Variants in ITFG2 observed in about 807,000 individuals in gnomAD.
ITFG2 encodes integrin alpha FG-GAP repeat containing 2.
In ITFG2, 36 loss-of-function variants were observed where a neutral mutation model predicts 54.4. The observed-to-expected ratio is 0.66, with a 90% CI of 0.51 to 0.87. ITFG2 has a LOEUF of 0.87. Among genes scored for constraint, ITFG2 ranks in the 40% least tolerant of loss-of-function variants. ITFG2 has a pLI of 0.00. For synonymous variants in ITFG2, 211 were observed against 225.4 expected (o/e 0.94, Z 0.57); for missense variants, 524 against 576.7 (o/e 0.91, Z 0.94).
In ITFG2 at chr12:2,817,237, G is replaced by A; in HGVS notation, c.111G>A (p.Val37=). The A allele has an allele frequency of 6.2e-7, 1 of 1,612,886 alleles. No individual in the cohort carries two copies. The highest frequency in any genetic ancestry group is 8.5e-7 in the Non-Finnish European group (1 of 1,178,996). ...TCCATTTGAAGTTAAATGAACTGGTGGTGGGAGACACCAGCGGGAAGGTGT... is the reference window on the plus strand; with the variant it reads ...TCCATTTGAAGTTAAATGAACTGGTAGTGGGAGACACCAGCGGGAAGGTGT... The part of the protein sequence containing the change: ...DVDNDTLNEL[V]VGDTSGKVSV... The change falls in exon 2 of 12, where the codon GTG becomes GTA. Residue 37 remains valine (V), a synonymous_variant. Coordinates refer to ENST00000228799, the MANE Select transcript of ITFG2 (RefSeq NM_018463.4).
chr12:2,855,444 C>A, intron 2 of ITFG2: 1 of 1,459,470 alleles, frequency 6.9e-7, no homozygotes, highest in South Asian at 1.4e-5. Context: ...TGGCCTGGAC[C>A]ATCTAGGGAG....
chr12:2,842,119 T>TC (rs1369374138), intron 2 of ITFG2, among the ~76,000 whole-genome samples: 14 of 72,884 alleles, frequency 1.9e-4, no homozygotes, highest in Non-Finnish European at 2.7e-4. Context: ...TTCACTTGTT[T>TC]CTTTTTTTTT....
At chr12:2,853,231 G>A (rs1479257949) in intron 2 of ITFG2, among the ~76,000 whole-genome samples, 2 of 152,018 alleles carry the variant, frequency 1.3e-5, no homozygotes, top group African/African-American at 4.8e-5. Context: ...GAGAAGCCTG[G>A]GTCCCCACAA....
chr12:2,830,624 A>T, intron 2 of ITFG2: 1 of 1,422,606 alleles, frequency 7.0e-7, no homozygotes, highest in Non-Finnish European at 9.5e-7. Flanking sequence ...TCCCTCTCCC[A>T]TCAGGGCAGA....
At chr12:2,842,190 C>T (rs1256208738) in intron 2 of ITFG2, among the ~76,000 whole-genome samples, 2 of 128,334 alleles carry the variant, frequency 1.6e-5, no homozygotes, top group Non-Finnish European at 3.1e-5. Context: ...GGCACGATCT[C>T]GGCTCACTGC....
At chr12:2,823,665 T>C in intron 10 of ITFG2, 105 bp from the exon 11 acceptor site, 2 of 1,351,868 alleles carry the variant, frequency 1.5e-6, no homozygotes, top group African/African-American at 1.4e-5. Flanking sequence ...CTGACATCAG[T>C]GGGAGGATGG....
chr12:2,827,740 C>G (rs2097975861), downstream of ITFG2: 1 of 1,612,180 alleles, frequency 6.2e-7, no homozygotes, highest in Non-Finnish European at 8.5e-7. This position sits in a 1 kb window ranked among gnomAD's most constrained non-coding sequence, Gnocchi z 4.0. Context: ...CTGCCCTCCT[C>G]TTAGCCGTTG....
chr12:2,834,604 GGCC>G (rs1443284729), upstream of ITFG2: 4 of 1,537,028 alleles, frequency 2.6e-6, no homozygotes, highest in Non-Finnish European at 3.5e-6. Context: ...GGAAGGAAAA[GGCC>G]AGGGGACGCT....
chr12:2,857,381 C>T (rs1037545305), intron 2 of ITFG2: 3 of 333,974 alleles, frequency 9.0e-6, no homozygotes, highest in East Asian at 6.2e-5. Context: ...GGCCCTACCC[C>T]TCGTGAGCTT....
intron 2 of ITFG2, chr12:2,848,915 C>T (rs1379499467): frequency 3.4e-6 from 1 of 295,418 alleles, no homozygotes; most frequent in South Asian, 3.3e-5. Flanking sequence ...ACACACACTC[C>T]TTCCTTCCCA....
chr12:2,847,584 T>C (rs2098056781), intron 2 of ITFG2, among the ~76,000 whole-genome samples: 1 of 151,628 alleles, frequency 6.6e-6, no homozygotes, highest in Admixed American at 6.6e-5. Context: ...GGAGAATTGC[T>C]TGAACCCAAG....
downstream of ITFG2, chr12:2,827,425 T>A (rs1003098833): frequency 3.9e-6 from 6 of 1,522,696 alleles, no homozygotes; most frequent in African/African-American, 8.4e-5. This position sits in a 1 kb window ranked among gnomAD's most constrained non-coding sequence, Gnocchi z 4.0. Context: ...CCCATCCCCA[T>A]TTCCCTAGAC....
At chr12:2,826,444 C>A (rs1603483627), downstream of ITFG2, 3 of 151,570 alleles carry the variant, frequency 2.0e-5, no homozygotes, top group Admixed American at 2.0e-4. Flanking sequence ...CAAGGCTCTT[C>A]CACACACACA....
intron 2 of ITFG2, chr12:2,857,187 C>A: frequency 3.1e-6 from 2 of 650,588 alleles, no homozygotes; most frequent in Admixed American, 2.3e-5. Context: ...GGGCCCCTGG[C>A]TACTTTTCAG....
downstream of ITFG2, among the ~76,000 whole-genome samples, chr12:2,829,804 G>A (rs2097990986): frequency 6.6e-6 from 1 of 150,428 alleles, no homozygotes; most frequent in African/African-American, 2.5e-5. Flanking sequence ...GTCGAGGGGT[G>A]CGGTGGCTCA....
At chr12:2,827,246 C>T, downstream of ITFG2, 2 of 1,614,162 alleles carry the variant, frequency 1.2e-6, no homozygotes, top group Non-Finnish European at 1.7e-6. This position sits in a 1 kb window ranked among gnomAD's most constrained non-coding sequence, Gnocchi z 4.0. Context: ...GGAAGGGTAG[C>T]TCTGAGAACG....
At chr12:2,851,534 G>C (rs976364994) in intron 2 of ITFG2, among the ~76,000 whole-genome samples, 1 of 151,830 alleles carries the variant, frequency 6.6e-6, no homozygotes, top group African/African-American at 2.4e-5. Context: ...GTGGAGACAG[G>C]GTTTCGCCAT....
chr12:2,841,928 A>G (rs2098042043), intron 2 of ITFG2, among the ~76,000 whole-genome samples: 1 of 151,666 alleles, frequency 6.6e-6, no homozygotes, highest in South Asian at 2.1e-4. Flanking sequence ...CATGTTGGCC[A>G]GGATGGTCTC....
rs907885442 is a variant in ITFG2, at chr12:2,812,874, G to A, written c.96+18G>A. The A allele has an allele frequency of 3.8e-6, 6 of 1,587,276 alleles. No individual in the cohort carries two copies. Among genetic ancestry groups the A allele is most frequent in the African/African-American group, 1.3e-5 (1 of 74,512 alleles). ...ACGATACGGTAGGTGCATGCGCACC[G>A]CAAGAGACAGCCTGGATCTGTGCAG... On this transcript the variant is annotated intron_variant, in intron 1 of 11. Transcript: ENST00000228799.
Sources: allele counts gnomAD v4.1 joint callset (sites outside exome capture counted in the v4.1 genomes callset), GRCh38; gene constraint gnomAD v4.1.1; non-coding constraint Gnocchi (gnomAD v3.1); transcripts MANE v1.5; gene names NCBI Gene and HGNC (gene_info 2026-07-23, HGNC 2026-07-21).